Variants in ZNF521 observed in about 807,000 individuals in gnomAD.
The protein encoded by ZNF521 is zinc finger protein 521, also known as LYST-interacting protein 3.
ZNF521 carries 14 observed loss-of-function variants against 105.5 expected under a neutral mutation model. That is an observed-to-expected ratio of 0.13 (90% confidence interval 0.09 to 0.21). The LOEUF (loss-of-function observed/expected upper bound fraction) is 0.21. ZNF521 is among the 10% of genes least tolerant of loss of function. The pLI is 1.00. For synonymous variants in ZNF521, 635 were observed against 606.0 expected (o/e 1.05, Z -0.70); for missense variants, 1,233 against 1,629.7 (o/e 0.76, Z 4.19).
At chr18:25,208,233 T>C (rs1405291557) in intron 4 of ZNF521, among the ~76,000 whole-genome samples, 1 of 152,214 alleles carries the variant, frequency 6.6e-6, no homozygotes, top group Non-Finnish European at 1.5e-5. Flanking sequence ...GGTTTAATTC[T>C]TTACTGAGAG....
intron 3 of ZNF521, among the ~76,000 whole-genome samples, chr18:25,247,478 C>T (rs1478969512): frequency 6.6e-6 from 1 of 152,144 alleles, no homozygotes; most frequent in African/African-American, 2.4e-5. Context: ...ATTAAAACTG[C>T]CTGGAGATCT....
At chr18:25,159,150 C>G (rs1434909041) in intron 5 of ZNF521, among the ~76,000 whole-genome samples, 1 of 152,040 alleles carries the variant, frequency 6.6e-6, no homozygotes, top group Non-Finnish European at 1.5e-5. Flanking sequence ...TAAAGTGCTG[C>G]AACTTTAGGA....
chr18:25,114,104 C>T (rs768887905), intron 5 of ZNF521, among the ~76,000 whole-genome samples: 80 of 151,878 alleles, frequency 5.3e-4, no homozygotes, highest in Non-Finnish European at 9.6e-4. Context: ...TAGAAATAGG[C>T]AAAAATAATC....
chr18:25,270,572 T>C (rs1909583072), intron 3 of ZNF521, among the ~76,000 whole-genome samples: 1 of 152,174 alleles, frequency 6.6e-6, no homozygotes, highest in East Asian at 1.9e-4. Context: ...AAAAAGCTTA[T>C]TCACCATGAT....
intron 5 of ZNF521, among the ~76,000 whole-genome samples, chr18:25,153,029 TA>T (rs1317561539): frequency 1.3e-5 from 2 of 152,194 alleles, no homozygotes; most frequent in Non-Finnish European, 2.9e-5. Flanking sequence ...GTGATCTTTA[TA>T]AAATAGTTAC....
rs764718104 is a variant in ZNF521, at chr18:25,225,132, T to C, written c.2786A>G (p.Asn929Ser). ...TCGAGAGCACACGTTGCACTTGTAA[T>C]TCCCTTTAATGAGCTCAGCTTTCTT... ...VKKKAELIKG[N>S]YKCNVCSRTF... The change falls in exon 4 of 8, where the codon AAT becomes AGT. Residue 929 changes from asparagine to serine, a missense_variant. Transcript: ENST00000361524. The surrounding 1 kb of genome is among the most constrained non-coding windows in gnomAD (Gnocchi z 5.6). 4.8e-5 allele frequency: 77 copies of C among 1,614,040 alleles called. No homozygotes were observed. The highest frequency in any genetic ancestry group is 6.4e-5 in the Non-Finnish European group (76 of 1,180,028).
At chr18:25,192,632 T>C (rs1039011040) in intron 5 of ZNF521, among the ~76,000 whole-genome samples, 2 of 151,650 alleles carry the variant, frequency 1.3e-5, no homozygotes, top group African/African-American at 2.4e-5. Context: ...GCTTTTCAGA[T>C]AGTCCCTAAT....
chr18:25,303,422 C>G (rs1184047518), intron 3 of ZNF521, among the ~76,000 whole-genome samples: 1 of 151,858 alleles, frequency 6.6e-6, no homozygotes, highest in Non-Finnish European at 1.5e-5. Context: ...CTCAGCCTCC[C>G]TAGTAGCTGG....
At chr18:25,149,998 T>A (rs1173944348) in intron 5 of ZNF521, among the ~76,000 whole-genome samples, 4 of 152,188 alleles carry the variant, frequency 2.6e-5, no homozygotes, top group South Asian at 4.1e-4. Context: ...TGCCTATGGA[T>A]CATGAGCTCC....
At chr18:25,108,234 ATACT>A (rs1224705521) in intron 5 of ZNF521, among the ~76,000 whole-genome samples, 2 of 152,220 alleles carry the variant, frequency 1.3e-5, no homozygotes, top group African/African-American at 2.4e-5. Context: ...TGATAAAAAT[ATACT>A]TAAAGTATAT....
chr18:25,213,555 C>G (rs1049021816), intron 4 of ZNF521, among the ~76,000 whole-genome samples: 2 of 151,932 alleles, frequency 1.3e-5, no homozygotes, highest in African/African-American at 4.8e-5. Context: ...ATACTTTGTT[C>G]AAAATTTTAA....
At chr18:25,271,097 G>A (rs8091271) in intron 3 of ZNF521, among the ~76,000 whole-genome samples, 66,840 of 151,942 alleles carry the variant, frequency 0.44, 15,604 homozygotes, top group African/African-American at 0.6. Flanking sequence ...AATCAATTGC[G>A]AAAATCACAA....
chr18:25,305,682 C>A (rs187583328), intron 3 of ZNF521, among the ~76,000 whole-genome samples: 27 of 152,198 alleles, frequency 1.8e-4, no homozygotes, highest in Admixed American at 1.4e-3. Flanking sequence ...CACATTAATT[C>A]TTTTTGAATT....
At chr18:25,238,260 C>T (rs117173142) in intron 3 of ZNF521, among the ~76,000 whole-genome samples, 2,648 of 152,242 alleles carry the variant, frequency 0.017, 24 homozygotes, top group South Asian at 0.042. Context: ...AAAAAAAATT[C>T]ATTGTTTTTC....
chr18:25,328,600 C>T (rs1255059252), intron 2 of ZNF521, among the ~76,000 whole-genome samples: 4 of 151,136 alleles, frequency 2.6e-5, no homozygotes, highest in African/African-American at 4.9e-5. Flanking sequence ...TGGCTCAGGC[C>T]GGAGTGCAGT....
intron 2 of ZNF521, among the ~76,000 whole-genome samples, chr18:25,350,596 T>C (rs896009454): frequency 1.4e-4 from 21 of 150,188 alleles, no homozygotes; most frequent in Non-Finnish European, 2.4e-4. Flanking sequence ...TATTTTTTTT[T>C]CCTCCCTCTC....
chr18:25,229,792 T>C (rs1316182553), intron 3 of ZNF521, among the ~76,000 whole-genome samples: 2 of 152,226 alleles, frequency 1.3e-5, no homozygotes, highest in African/African-American at 2.4e-5. Flanking sequence ...TTCTCATTTA[T>C]ACATTTGGGG....
chr18:25,139,249 A>G (rs1020758604), intron 5 of ZNF521, among the ~76,000 whole-genome samples: 1 of 151,734 alleles, frequency 6.6e-6, no homozygotes, highest in Non-Finnish European at 1.5e-5. Context: ...AGGCACCTGT[A>G]ATCCCAGCTA....
chr18:25,286,859 C>A (rs532553767), intron 3 of ZNF521, among the ~76,000 whole-genome samples: 1 of 152,140 alleles, frequency 6.6e-6, no homozygotes, highest in Non-Finnish European at 1.5e-5. Context: ...ACAAGATCCT[C>A]GGACTCCCTG....
Sources: gnomAD v4.1 joint callset for allele counts (sites outside exome capture counted in the v4.1 genomes callset) on GRCh38, gnomAD v4.1.1 for gene constraint, Gnocchi (gnomAD v3.1) non-coding constraint, MANE v1.5 for transcripts, NCBI Gene and HGNC (gene_info 2026-07-23, HGNC 2026-07-21) for gene names.